RBFOX1: variants seen among roughly 807,000 people sequenced by gnomAD.
RBFOX1 encodes RNA binding fox-1 homolog 1.
A neutral mutation model predicts 57.7 loss-of-function variants in RBFOX1; 8 were observed. That is an observed-to-expected ratio of 0.14 (90% CI 0.08 to 0.25). The LOEUF is 0.25. RBFOX1 is among the 10% of genes least tolerant of loss of function. The probability of loss-of-function intolerance (pLI) is 1.00; values close to 1 mark genes in which losing one functional copy is unlikely to be tolerated. For missense variants in RBFOX1, 611 were observed against 548.5 expected, an observed-to-expected ratio of 1.11 and a Z score of -1.14; for synonymous variants, 326 against 222.4, an observed-to-expected ratio of 1.47 and a Z score of -4.15.
intron 2 of RBFOX1, among the ~76,000 whole-genome samples, chr16:6,541,703 C>T (rs1346197918): frequency 6.6e-6 from 1 of 152,086 alleles, no homozygotes; most frequent in Non-Finnish European, 1.5e-5. Context: ...TGCTGTAGGT[C>T]AGAGATGATG....
At chr16:5,956,234 C>T (rs1238071696) in intron 4 of RBFOX1, among the ~76,000 whole-genome samples, 1 of 152,166 alleles carries the variant, frequency 6.6e-6, no homozygotes, top group Non-Finnish European at 1.5e-5. Context: ...CGAGATTACT[C>T]CACTGCACTG....
intron 10 of RBFOX1, among the ~76,000 whole-genome samples, chr16:7,629,463 G>A (rs1160732875): frequency 6.6e-6 from 1 of 152,108 alleles, no homozygotes; most frequent in East Asian, 1.9e-4. Flanking sequence ...TCCCGTTGCG[G>A]TCCTGACAGG....
At chr16:6,361,625 C>G (rs936209166) in intron 2 of RBFOX1, among the ~76,000 whole-genome samples, 4 of 143,460 alleles carry the variant, frequency 2.8e-5, no homozygotes, top group Admixed American at 2.7e-4. Flanking sequence ...GAGACTCTGT[C>G]TCTAAAAAAA....
chr16:6,840,510 A>C (rs1330145984), intron 3 of RBFOX1, among the ~76,000 whole-genome samples: 1 of 152,080 alleles, frequency 6.6e-6, no homozygotes, highest in South Asian at 2.1e-4. Context: ...TTCTAATCCC[A>C]AGGTGATAGT....
rs1555600461 is a variant in RBFOX1 at position 7,225,905 on chromosome 16, A to AATATATATATATATATATATATAT, written c.27+173822_27+173823insTATATATATATATATATATATATA. On this transcript the variant is annotated intron_variant, in intron 4 of 15. Transcript: ENST00000550418. ...GTACCCTAGAACTTAAAGTATAATA[A>AATATATATATATATATATATATAT]ATATATATATATATAAATGTGAATG... Among the ~76,000 whole-genome samples, 54 of 93,704 alleles carry AATATATATATATATATATATATAT rather than the reference A, an allele frequency of 5.8e-4. 3 individuals carry two copies. Among genetic ancestry groups the AATATATATATATATATATATATAT allele is most frequent in the South Asian group, 9.7e-4 (3 of 3,088 alleles). 61.5% of individuals were successfully genotyped at this position (93,704 alleles called of 152,430 possible). A position where few individuals can be genotyped will look rare whatever the true frequency, so the allele number is the denominator to read the frequency against.
intron 3 of RBFOX1, among the ~76,000 whole-genome samples, chr16:6,977,903 C>G (rs1014581697): frequency 2.9e-5 from 4 of 139,566 alleles, no homozygotes; most frequent in African/African-American, 8.6e-5. Context: ...TAGGGAGATC[C>G]CAAGAGGAAA....
At chr16:6,800,081 CTG>C (rs774911217) in intron 3 of RBFOX1, among the ~76,000 whole-genome samples, 17 of 152,270 alleles carry the variant, frequency 1.1e-4, no homozygotes, top group Admixed American at 2.0e-4. Context: ...TGTCAGTAAA[CTG>C]TCATGGTGCT....
chr16:6,617,729 A>G (rs2098164534), intron 2 of RBFOX1, among the ~76,000 whole-genome samples: 1 of 152,170 alleles, frequency 6.6e-6, no homozygotes, highest in South Asian at 2.1e-4. Context: ...GAGACAGCAT[A>G]GATATTTTGT....
At chr16:7,537,875 C>A (rs1313749393) in intron 5 of RBFOX1, among the ~76,000 whole-genome samples, 2 of 152,176 alleles carry the variant, frequency 1.3e-5, no homozygotes, top group Non-Finnish European at 2.9e-5. Flanking sequence ...ATACATAATG[C>A]ATGAGGGGAA....
intron 3 of RBFOX1, among the ~76,000 whole-genome samples, chr16:6,724,695 A>C (rs11641284): frequency 0.18 from 28,071 of 152,136 alleles, 2,818 homozygotes; most frequent in Admixed American, 0.22. Context: ...AACATTTAAG[A>C]GTTCAGATTA....
intron 4 of RBFOX1, among the ~76,000 whole-genome samples, chr16:7,079,310 G>T (rs1257617937): frequency 2.0e-5 from 3 of 152,182 alleles, no homozygotes; most frequent in Non-Finnish European, 4.4e-5. Context: ...GGGGAGGTTT[G>T]TTAAGAGGAG....
At chr16:6,362,028 G>T (rs1425280004) in intron 2 of RBFOX1, among the ~76,000 whole-genome samples, 2 of 152,096 alleles carry the variant, frequency 1.3e-5, no homozygotes, top group East Asian at 3.9e-4. Context: ...AGGAGCTTAT[G>T]TTCTAGTGTC....
At chr16:6,961,304 C>T (rs1410806245) in intron 3 of RBFOX1, among the ~76,000 whole-genome samples, 1 of 152,220 alleles carries the variant, frequency 6.6e-6, no homozygotes, top group Non-Finnish European at 1.5e-5. Context: ...GCAATGCAGA[C>T]AGTCCTGGCC....
At chr16:6,858,169 A>G (rs2058253016) in intron 3 of RBFOX1, among the ~76,000 whole-genome samples, 1 of 152,242 alleles carries the variant, frequency 6.6e-6, no homozygotes, top group African/African-American at 2.4e-5. Context: ...TTGAAGGAAG[A>G]AATAGCTCAC....
chr16:7,098,833 G>A (rs914101651), intron 4 of RBFOX1, among the ~76,000 whole-genome samples: 19 of 152,082 alleles, frequency 1.2e-4, no homozygotes, highest in African/African-American at 4.6e-4. Context: ...GGTCTTTCTA[G>A]TGAGGCACAG....
chr16:6,491,769 A>C (rs1197661631), intron 2 of RBFOX1, among the ~76,000 whole-genome samples: 1 of 152,212 alleles, frequency 6.6e-6, no homozygotes, highest in Non-Finnish European at 1.5e-5. Flanking sequence ...AGTGACTAAA[A>C]GGGCTGCTAA....
chr16:7,260,661 T>G (rs935551303), intron 4 of RBFOX1, among the ~76,000 whole-genome samples: 1 of 152,042 alleles, frequency 6.6e-6, no homozygotes, highest in African/African-American at 2.4e-5. Flanking sequence ...ATTAGTTTAT[T>G]GATTTTTTTT....
At chr16:6,977,380 A>G (rs1449027186) in intron 3 of RBFOX1, among the ~76,000 whole-genome samples, 1 of 152,062 alleles carries the variant, frequency 6.6e-6, no homozygotes, top group East Asian at 1.9e-4. Flanking sequence ...ATACCGGGAT[A>G]TCTGGACACT....
chr16:5,452,605 C>G (rs921909467), intron 1 of RBFOX1, among the ~76,000 whole-genome samples: 1 of 152,056 alleles, frequency 6.6e-6, no homozygotes, highest in African/African-American at 2.4e-5. Flanking sequence ...CTCATCCACA[C>G]TGCTACCCAG....
Sources: gnomAD v4.1 joint callset for allele counts (sites outside exome capture counted in the v4.1 genomes callset) on GRCh38, gnomAD v4.1.1 for gene constraint, MANE v1.5 for transcripts, NCBI Gene and HGNC (gene_info 2026-07-23, HGNC 2026-07-21) for gene names.